PYCR3: variants seen among roughly 807,000 people sequenced by gnomAD.
The protein encoded by PYCR3 is pyrroline-5-carboxylate reductase 3.
A neutral mutation model predicts 23.4 loss-of-function variants in PYCR3; 26 were observed. That is an observed-to-expected ratio of 1.11 (90% CI 0.81 to 1.54). The LOEUF (loss-of-function observed/expected upper bound fraction) is 1.54, where lower values mean the gene tolerates loss of function less well. Among genes scored for constraint, PYCR3 ranks in the 40% most tolerant of loss-of-function variants. The pLI is 0.00. For missense variants in PYCR3, 360 were observed against 376.3 expected (o/e 0.96, Z 0.36); for synonymous variants, 194 against 162.6 (o/e 1.19, Z -1.47).
Position 143,605,579 on chromosome 8 carries a change from G to A in PYCR3, c.*121C>T. 1 of 952,198 alleles carries A rather than the reference G, an allele frequency of 1.1e-6. No individual in the cohort carries two copies. Among genetic ancestry groups the A allele is most frequent in the Non-Finnish European group, 1.5e-6 (1 of 652,484 alleles). The allele number at this position is 952,198 out of a possible 1,614,324, so 59.0% of individuals were successfully genotyped here. Reference sequence around the variant, plus strand: ...AGTCCTGCCCCCTGCATTTCCCTGTGCAAGGGGAGAAGGAGCAGTAGGAGA... The same window carrying A: ...AGTCCTGCCCCCTGCATTTCCCTGTACAAGGGGAGAAGGAGCAGTAGGAGA... On this transcript the variant is annotated 3_prime_UTR_variant, in exon 6 of 6. Transcript: ENST00000495276.
chr8:143,608,251 GC>G (rs1829456459), intron 1 of PYCR3, 125 bp from the exon 2 acceptor site: 3 of 707,116 alleles, frequency 4.2e-6, no homozygotes, highest in Non-Finnish European at 4.9e-6. Context: ...CCCCCTCCTG[GC>G]CCCAGGAACC....
Position 143,603,690 on chromosome 8 carries a change from G to T in PYCR3, c.*2010C>A, listed in dbSNP as rs1829311153. Among the ~76,000 whole-genome samples, 1 of 152,152 alleles carries T rather than the reference G, an allele frequency of 6.6e-6. No homozygotes were observed. Among genetic ancestry groups the T allele is most frequent in the African/African-American group, 2.4e-5 (1 of 41,436 alleles). ...CCTGCACCAGACCCCAGGCTCCCAGGCCTGCCCAGGCTTGGCATACAGTCC... is the reference window on the plus strand; with the variant it reads ...CCTGCACCAGACCCCAGGCTCCCAGTCCTGCCCAGGCTTGGCATACAGTCC... On this transcript the variant is annotated 3_prime_UTR_variant, in exon 6 of 6. Coordinates refer to ENST00000495276, the MANE Select transcript of PYCR3 (RefSeq NM_023078.6).
chr8:143,606,162 C>G lies in PYCR3; in HGVS notation c.550-8G>C, dbSNP rs376931936. The G allele has an allele frequency of 6.2e-7, 1 of 1,601,438 alleles. No individual in the cohort carries two copies. Among genetic ancestry groups the G allele is most frequent in the Non-Finnish European group, 8.5e-7 (1 of 1,174,528 alleles). Reference sequence around the variant, plus strand: ...CTCGGAGAATGCACACACCTGTAGCCGCGGCATGGTGGTTGGGGGGGATAG... The same window carrying G: ...CTCGGAGAATGCACACACCTGTAGCGGCGGCATGGTGGTTGGGGGGGATAG... On this transcript the variant is annotated splice_region_variant and splice_polypyrimidine_tract_variant and intron_variant, in intron 4 of 5. Coordinates refer to ENST00000495276, the MANE Select transcript of PYCR3 (RefSeq NM_023078.6).
rs1292182008 is a variant in PYCR3, at chr8:143,605,899, G to A, written c.643-17C>T. On this transcript the variant is annotated splice_polypyrimidine_tract_variant and intron_variant, in intron 5 of 5. Coordinates refer to ENST00000495276, the MANE Select transcript of PYCR3 (RefSeq NM_023078.6). ...GGCCGTCCCCTGAGGAGAGCGTTAG[G>A]GCCTGGTGACGGGGGGAGGTGGTGC... 1 of 1,593,914 alleles carries A rather than the reference G, an allele frequency of 6.3e-7. No homozygotes were observed. Among genetic ancestry groups the A allele is most frequent in the South Asian group, 1.1e-5 (1 of 90,402 alleles).
In PYCR3 at chr8:143,605,030, C is replaced by T. The variant is rs1829353999; in HGVS notation, c.*670G>A. 2.2e-6 allele frequency: 1 copy of T among 444,746 alleles called. No homozygotes were observed. The highest frequency in any genetic ancestry group is 1.6e-5 in the South Asian group (1 of 63,134). The allele number at this position is 444,746 out of a possible 1,614,324, so 27.5% of individuals were successfully genotyped here. A position where few individuals can be genotyped will look rare whatever the true frequency, so the allele number is the denominator to read the frequency against. On this transcript the variant is annotated 3_prime_UTR_variant, in exon 6 of 6. Transcript: ENST00000495276. ...TCAAGCCACCCCACCTACCACTGCC[C>T]ACCTGGTGCCACCCCAGCACTGCCG...
At chr8:143,609,426 C>T in intron 1 of PYCR3, 32 bp downstream of exon 1, 2 of 1,480,866 alleles carry the variant, frequency 1.4e-6, no homozygotes, top group Non-Finnish European at 1.8e-6. Context: ...GCTCCCACTC[C>T]AGACCGCAGG....
At position 143,605,620 on chromosome 8, in the gene PYCR3, G is replaced by T; in HGVS notation, c.*80C>A. 7.8e-7 allele frequency: 1 copy of T among 1,289,540 alleles called. No individual in the cohort carries two copies. The highest frequency in any genetic ancestry group is 1.1e-6 in the Non-Finnish European group (1 of 933,902). 79.9% of individuals were successfully genotyped at this position (1,289,540 alleles called of 1,614,324 possible). A position where few individuals can be genotyped will look rare whatever the true frequency, so the allele number is the denominator to read the frequency against. On this transcript the variant is annotated 3_prime_UTR_variant, in exon 6 of 6. Coordinates refer to ENST00000495276, the MANE Select transcript of PYCR3 (RefSeq NM_023078.6). ...CAGTAGGAGACCCTCATGCAGGAGGGAGGGAGCCGCAGTCCTCAGGGGAAG... is the reference window on the plus strand; with the variant it reads ...CAGTAGGAGACCCTCATGCAGGAGGTAGGGAGCCGCAGTCCTCAGGGGAAG...
chr8:143,608,186 A>G (rs1829454929), intron 1 of PYCR3, 60 bp from the exon 2 acceptor site: 1 of 1,383,292 alleles, frequency 7.2e-7, no homozygotes, highest in African/African-American at 1.4e-5. Context: ...TGGCACGGAG[A>G]GGAGAGGGAG....
In PYCR3 at chr8:143,607,848, T is replaced by TAC. The variant is rs143951454; in HGVS notation, c.156+212_156+213dup. Reference sequence around the variant, plus strand: ...TCACGGACATGCACTCACACATGCATACACACACACACACAAACACTTTGC... The same window carrying TAC: ...TCACGGACATGCACTCACACATGCATACACACACACACACACAAACACTTTGC... On this transcript the variant is annotated intron_variant, in intron 2 of 5. Transcript: ENST00000495276. Among the ~76,000 whole-genome samples the TAC allele has an allele frequency of 4.9e-3, 739 of 151,840 alleles. 8 individuals are homozygous for TAC. The highest frequency in any genetic ancestry group is 0.015 in the African/African-American group (612 of 41,436).
chr8:143,608,019 C>T (rs202023937), intron 2 of PYCR3, 43 bp downstream of exon 2: 2 of 1,458,194 alleles, frequency 1.4e-6, no homozygotes, highest in Non-Finnish European at 9.6e-7. Context: ...CAAGAGCTAT[C>T]CTGGGCTCCT....
chr8:143,605,050 C>A lies in PYCR3; in HGVS notation c.*650G>T. 1 of 423,702 alleles carries A rather than the reference C, an allele frequency of 2.4e-6. No homozygotes were observed. Among genetic ancestry groups the A allele is most frequent in the Non-Finnish European group, 4.7e-6 (1 of 212,086 alleles). The allele number at this position is 423,702 out of a possible 1,614,324, so 26.2% of individuals were successfully genotyped here. A position where few individuals can be genotyped will look rare whatever the true frequency, so the allele number is the denominator to read the frequency against. On this transcript the variant is annotated 3_prime_UTR_variant, in exon 6 of 6. Transcript: ENST00000495276. ...CTGCCCACCTGGTGCCACCCCAGCA[C>A]TGCCGCAGACCTGGCCCAGCAGCTC...
intron 2 of PYCR3, among the ~76,000 whole-genome samples, chr8:143,607,716 C>T (rs1294183175): frequency 6.6e-6 from 1 of 152,106 alleles, no homozygotes; most frequent in Non-Finnish European, 1.5e-5. Flanking sequence ...ATGCACTCAC[C>T]ACACGTGCAC....
Position 143,604,969 on chromosome 8 carries a change from A to T in PYCR3, c.*731T>A, listed in dbSNP as rs764925910. 2.0e-6 allele frequency: 1 copy of T among 497,682 alleles called. No individual in the cohort carries two copies. Among genetic ancestry groups the T allele is most frequent in the East Asian group, 5.8e-5 (1 of 17,280 alleles). 30.8% of individuals were successfully genotyped at this position (497,682 alleles called of 1,614,324 possible). On this transcript the variant is annotated 3_prime_UTR_variant, in exon 6 of 6. Transcript: ENST00000495276. Reference sequence around the variant, plus strand: ...ATCCAGACTAAAGCCAGGGGTCTGCATGTGTCCTGGCTGGCCAGGGCCACC... The same window carrying T: ...ATCCAGACTAAAGCCAGGGGTCTGCTTGTGTCCTGGCTGGCCAGGGCCACC...
chr8:143,606,227 C>T, intron 4 of PYCR3, 73 bp from the exon 5 acceptor site: 1 of 1,437,038 alleles, frequency 7.0e-7, no homozygotes, highest in Non-Finnish European at 9.5e-7. Context: ...AGGAACAATG[C>T]CCAGAGCAGT....
Position 143,606,950 on chromosome 8 carries a change from C to G in PYCR3, c.336+3G>C, listed in dbSNP as rs775168742. On this transcript the variant is annotated splice_donor_region_variant and intron_variant, in intron 3 of 5. Coordinates refer to ENST00000495276, the MANE Select transcript of PYCR3 (RefSeq NM_023078.6). The stretch of plus-strand genomic sequence containing the variant: ...CCAAGGCCTTAGCCCAAGGGACACT[C>G]ACCTCCTCCAGGGTGCTCAGAGACA... 1.9e-6 allele frequency: 3 copies of G among 1,591,254 alleles called. No individual in the cohort carries two copies. In the African/African-American group the frequency reaches 4.0e-5, roughly 21 times the overall value.
In PYCR3 at chr8:143,605,787, G is replaced by T. The variant is rs201683625; in HGVS notation, c.738C>A (p.His246Gln). ...TPGGTTIYGL[H>Q]ALEQGGLRAA... is the part of the protein sequence containing the mutation. ...CTCGCAGCCCGCCCTGCTCCAGGGC[G>T]TGGAGTCCATAGATGGTGGTGCCAC... is the stretch of plus-strand genomic sequence containing the variant. The change falls in exon 6 of 6, where the codon CAC becomes CAA. Residue 246 changes from histidine to glutamine, a missense_variant. His to Gln is a conservative substitution (Grantham distance 24, BLOSUM62 0). Transcript: ENST00000495276. 2.2e-5 allele frequency: 35 copies of T among 1,612,030 alleles called. No individual in the cohort carries two copies. Among genetic ancestry groups the T allele is most frequent in the Admixed American group, 1.3e-4 (8 of 60,016 alleles).
chr8:143,609,361 G>T (rs776818374), intron 1 of PYCR3, 97 bp downstream of exon 1: 3 of 1,309,376 alleles, frequency 2.3e-6, no homozygotes, highest in African/African-American at 3.1e-5. Flanking sequence ...AGACCCGGTT[G>T]GCTGGGCCCG....
chr8:143,606,242 G>C, intron 4 of PYCR3, 88 bp from the exon 5 acceptor site: 1 of 1,352,614 alleles, frequency 7.4e-7, no homozygotes, highest in Admixed American at 2.1e-5. Flanking sequence ...AGCAGTAGCC[G>C]TGGGTGGCCA....
chr8:143,605,571 T>G lies in PYCR3; in HGVS notation c.*129A>C, dbSNP rs1170957542. ...ACCTCCCAAGTCCTGCCCCCTGCAT[T>G]TCCCTGTGCAAGGGGAGAAGGAGCA... On this transcript the variant is annotated 3_prime_UTR_variant, in exon 6 of 6. Transcript: ENST00000495276. 4 of 885,794 alleles carry G rather than the reference T, an allele frequency of 4.5e-6. No individual in the cohort carries two copies. The East Asian group carries it at 1.1e-4, about 24-fold the overall frequency. 54.9% of individuals were successfully genotyped at this position (885,794 alleles called of 1,614,324 possible).
Sources: gnomAD v4.1 joint callset for allele counts (sites outside exome capture counted in the v4.1 genomes callset) on GRCh38, gnomAD v4.1.1 for gene constraint, MANE v1.5 for transcripts, NCBI Gene and HGNC (gene_info 2026-07-23, HGNC 2026-07-21) for gene names.